The following EYS variants were observed in gnomAD, a reference collection of about 807,000 sequenced individuals.
The protein encoded by EYS is EGF-like photoreceptor maintenance factor, also known as protein eyes shut homolog.
Under a neutral mutation model 282.1 loss-of-function variants are expected in EYS, and 250 were observed. That is an observed-to-expected ratio of 0.89 (90% CI 0.80 to 0.98). EYS has a LOEUF of 0.98. Ranked by LOEUF, EYS falls within the 50% of genes least tolerant of loss-of-function variation. The pLI, the probability that EYS is intolerant of heterozygous loss-of-function variation, is 0.00. For synonymous variants in EYS, 1,355 were observed against 1,282.9 expected, an observed-to-expected ratio of 1.06 and a Z score of -1.20; for missense variants, 4,016 against 3,709.0, an observed-to-expected ratio of 1.08 and a Z score of -2.15.
At chr6:65,568,518 A>C (rs1031236681) in intron 2 of EYS, among the ~76,000 whole-genome samples, 3 of 152,128 alleles carry the variant, frequency 2.0e-5, no homozygotes, top group Admixed American at 2.0e-4. Flanking sequence ...TATTTAAACA[A>C]TTAAATAAAC....
intron 36 of EYS, among the ~76,000 whole-genome samples, chr6:63,827,597 C>A (rs1771505431): frequency 6.6e-6 from 1 of 152,112 alleles, no homozygotes; most frequent in Non-Finnish European, 1.5e-5. Flanking sequence ...GTAATCCTAG[C>A]ACTTTGGGAG....
chr6:64,837,378 A>C (rs1765412463), intron 19 of EYS, among the ~76,000 whole-genome samples: 1 of 151,370 alleles, frequency 6.6e-6, no homozygotes, highest in African/African-American at 2.4e-5. Context: ...ACAACATACG[A>C]AAGGGGGGAA....
At chr6:65,323,268 C>T (rs1769528287) in intron 11 of EYS, among the ~76,000 whole-genome samples, 1 of 142,380 alleles carries the variant, frequency 7.0e-6, no homozygotes, top group Non-Finnish European at 1.5e-5. Flanking sequence ...TTCACTTATC[C>T]CTCACTTGTC....
At chr6:63,873,554 T>G (rs1023331033) in intron 35 of EYS, among the ~76,000 whole-genome samples, 5 of 152,182 alleles carry the variant, frequency 3.3e-5, no homozygotes, top group Non-Finnish European at 5.9e-5. Context: ...GATTTCTAGT[T>G]CTAGATCCTT....
chr6:63,809,359 A>G (rs1359959106), intron 36 of EYS, among the ~76,000 whole-genome samples: 2 of 152,204 alleles, frequency 1.3e-5, no homozygotes, highest in Non-Finnish European at 2.9e-5. Flanking sequence ...TACTGCATAA[A>G]TTCCCAGATC....
intron 11 of EYS, among the ~76,000 whole-genome samples, chr6:65,334,223 C>A (rs535146228): frequency 1.3e-5 from 2 of 151,546 alleles, no homozygotes; most frequent in African/African-American, 4.8e-5. Flanking sequence ...ATACTAGTTT[C>A]TTTTATACTA....
At position 64,156,628 on chromosome 6, in the gene EYS, T is replaced by C. The variant is rs372607541; in HGVS notation, c.6424+73964A>G. On this transcript the variant is annotated intron_variant, in intron 31 of 42. Coordinates refer to ENST00000503581, the MANE Select transcript of EYS (RefSeq NM_001142800.2). ...TTTGACCAAAAGTCTGATAGTGATATGGACAAAAAGGTCCAGGCTGAGGTG... is the reference window on the plus strand; with the variant it reads ...TTTGACCAAAAGTCTGATAGTGATACGGACAAAAAGGTCCAGGCTGAGGTG... 2.3e-4 allele frequency among the ~76,000 whole-genome samples: 35 copies of C among 152,300 alleles called. 1 individual carries two copies. Among genetic ancestry groups the C allele is most frequent in the African/African-American group, 8.4e-4 (35 of 41,564 alleles).
chr6:64,252,351 T>G (rs1286711151), intron 30 of EYS, among the ~76,000 whole-genome samples: 2 of 152,164 alleles, frequency 1.3e-5, no homozygotes, highest in African/African-American at 4.8e-5. Flanking sequence ...ATCACCAAGA[T>G]ATCTTCAATC....
rs936588526 is a variant in EYS at position 65,443,272 on chromosome 6, A to G, written c.863-37905T>C. Among the ~76,000 whole-genome samples, 20 of 133,360 alleles carry G rather than the reference A, an allele frequency of 1.5e-4. 1 individual carries two copies. Among genetic ancestry groups the G allele is most frequent in the African/African-American group, 5.0e-4 (20 of 39,658 alleles). 87.5% of individuals were successfully genotyped at this position (133,360 alleles called of 152,430 possible). On this transcript the variant is annotated intron_variant, in intron 5 of 42. Coordinates refer to ENST00000503581, the MANE Select transcript of EYS (RefSeq NM_001142800.2). ...TGTGTATACATATATGCAAACATAT[A>G]GACATGTATGCATGCATATATGCAT...
rs1764622295 is a variant in EYS, at chr6:65,152,022, T to G, written c.2024-94295A>C. Among the ~76,000 whole-genome samples, 8 of 152,076 alleles carry G rather than the reference T, an allele frequency of 5.3e-5. No individual in the cohort carries two copies. In the South Asian group the frequency reaches 1.7e-3, roughly 32 times the overall value. ...AATGTTAGTGAAAATTACTTAATAA[T>G]TAAATTATATAAGATACTTGTATTA... On this transcript the variant is annotated intron_variant, in intron 12 of 42. Transcript: ENST00000503581.
chr6:65,516,073 G>T (rs1767121488), intron 2 of EYS, among the ~76,000 whole-genome samples: 1 of 151,580 alleles, frequency 6.6e-6, no homozygotes, highest in Non-Finnish European at 1.5e-5. Context: ...GGAAGAAAAT[G>T]AATGAAAAAG....
chr6:64,286,075 G>A (rs1768489248), intron 30 of EYS, among the ~76,000 whole-genome samples: 1 of 152,162 alleles, frequency 6.6e-6, no homozygotes, highest in Non-Finnish European at 1.5e-5. Context: ...CATAGTGCTG[G>A]CAATATAGTG....
chr6:64,956,014 T>C (rs1415170943), intron 14 of EYS, among the ~76,000 whole-genome samples: 2 of 152,108 alleles, frequency 1.3e-5, no homozygotes, highest in African/African-American at 2.4e-5. Context: ...ACTGCAATAC[T>C]ATGCAAAGCA....
chr6:63,724,059 G>A (rs1281145335), intron 42 of EYS, among the ~76,000 whole-genome samples: 1 of 151,992 alleles, frequency 6.6e-6, no homozygotes, highest in African/African-American at 2.4e-5. Flanking sequence ...CGCCCACCTC[G>A]GCCTCCCAAA....
intron 16 of EYS, among the ~76,000 whole-genome samples, chr6:64,906,420 G>C (rs1478794763): frequency 6.6e-6 from 1 of 151,976 alleles, no homozygotes; most frequent in South Asian, 2.1e-4. Context: ...CTACAACATG[G>C]GTACATGTTT....
intron 22 of EYS, chr6:64,631,105 G>T (rs1282262603): frequency 6.6e-6 from 1 of 152,086 alleles, no homozygotes; most frequent in Admixed American, 6.5e-5. Context: ...TGCAATACTA[G>T]GAGAAGGGGC....
chr6:64,766,177 C>A (rs958170951), intron 22 of EYS, among the ~76,000 whole-genome samples: 1 of 151,646 alleles, frequency 6.6e-6, no homozygotes, highest in African/African-American at 2.4e-5. Flanking sequence ...ATCCGCCTGG[C>A]TCAGCCTCCC....
chr6:65,443,919 T>A (rs1768548851), intron 5 of EYS, among the ~76,000 whole-genome samples: 1 of 151,786 alleles, frequency 6.6e-6, no homozygotes, highest in South Asian at 2.1e-4. Context: ...TTTCTTTATA[T>A]CCATAAGATC....
intron 26 of EYS, among the ~76,000 whole-genome samples, chr6:64,471,108 A>C (rs573876781): frequency 4.6e-5 from 7 of 152,176 alleles, no homozygotes; most frequent in Non-Finnish European, 1.0e-4. Context: ...AAGTCACATA[A>C]GGGTAGGAGA....
Sources: allele counts gnomAD v4.1 joint callset (sites outside exome capture counted in the v4.1 genomes callset), GRCh38; gene constraint gnomAD v4.1.1; transcripts MANE v1.5; gene names NCBI Gene and HGNC (gene_info 2026-07-23, HGNC 2026-07-21).